Variants in TRABD2B observed in about 807,000 individuals in gnomAD.
The protein encoded by TRABD2B is TraB domain containing 2B, also known as metalloprotease TIKI2.
TRABD2B carries 14 observed loss-of-function variants against 40.1 expected under a neutral mutation model. The observed-to-expected ratio is 0.35, with a 90% CI of 0.23 to 0.55. The LOEUF is 0.55. TRABD2B is among the 20% of genes least tolerant of loss of function. TRABD2B has a pLI of 0.90. For synonymous variants in TRABD2B, 263 were observed against 277.0 expected, an observed-to-expected ratio of 0.95 and a Z score of 0.50; for missense variants, 541 against 648.6, an observed-to-expected ratio of 0.83 and a Z score of 1.80.
chr1:47,809,230 T>A (rs983086894), intron 2 of TRABD2B, among the ~76,000 whole-genome samples: 2 of 152,096 alleles, frequency 1.3e-5, no homozygotes, highest in Non-Finnish European at 2.9e-5. Flanking sequence ...GGCCAGGTAC[T>A]CCCCATTTTA....
chr1:47,922,101 C>T (rs1454214011), intron 2 of TRABD2B, among the ~76,000 whole-genome samples: 1 of 152,222 alleles, frequency 6.6e-6, no homozygotes, highest in African/African-American at 2.4e-5. Context: ...CTGCTGCAGT[C>T]CTCCAGGTCT....
At chr1:47,958,706 T>TA (rs534953572) in intron 2 of TRABD2B, among the ~76,000 whole-genome samples, 81 of 152,304 alleles carry the variant, frequency 5.3e-4, no homozygotes, top group Middle Eastern at 3.4e-3. Flanking sequence ...CCCAGATTCA[T>TA]AAAGCAAGTC....
intron 2 of TRABD2B, among the ~76,000 whole-genome samples, chr1:47,829,127 T>A (rs1204818002): frequency 6.6e-6 from 1 of 152,184 alleles, no homozygotes; most frequent in South Asian, 2.1e-4. Flanking sequence ...GACTTGTCTC[T>A]TATGTTGGGA....
intron 2 of TRABD2B, among the ~76,000 whole-genome samples, chr1:47,828,106 T>C (rs935007335): frequency 6.6e-6 from 1 of 152,128 alleles, no homozygotes; most frequent in Non-Finnish European, 1.5e-5. Flanking sequence ...ACAACATACA[T>C]ACAAACGGGA....
chr1:47,820,559 A>G (rs1384750025), intron 2 of TRABD2B, among the ~76,000 whole-genome samples: 2 of 152,200 alleles, frequency 1.3e-5, no homozygotes, highest in Non-Finnish European at 2.9e-5. Flanking sequence ...TGAGGTCAGC[A>G]GCGGTGGGCA....
At chr1:47,775,955 T>C (rs548748694) in intron 5 of TRABD2B, among the ~76,000 whole-genome samples, 36 of 152,076 alleles carry the variant, frequency 2.4e-4, no homozygotes, top group African/African-American at 8.7e-4. Context: ...TATCTGAGCT[T>C]GGTCAGGGTC....
intron 4 of TRABD2B, among the ~76,000 whole-genome samples, chr1:47,780,505 C>T (rs1644506244): frequency 1.3e-5 from 2 of 152,048 alleles, no homozygotes; most frequent in African/African-American, 4.8e-5. Context: ...CACTCACAGA[C>T]TTGAGAATGG....
chr1:47,991,710 G>A lies in TRABD2B; in HGVS notation c.666+2324C>T, dbSNP rs78133479. Among the ~76,000 whole-genome samples the A allele has an allele frequency of 5.4e-3, 815 of 150,838 alleles. 3 individuals are homozygous for A. Among genetic ancestry groups the A allele is most frequent in the Non-Finnish European group, 7.8e-3 (529 of 67,974 alleles). On this transcript the variant is annotated intron_variant, in intron 2 of 6. Transcript: ENST00000606738. ...CACTGTTTTAAGCCTTATTTTTCCC[G>A]CCTTCTTCTCTCACTGTCTCCCCAA...
At chr1:47,784,069 T>C (rs1018319974) in intron 4 of TRABD2B, among the ~76,000 whole-genome samples, 3 of 152,170 alleles carry the variant, frequency 2.0e-5, no homozygotes, top group African/African-American at 7.2e-5. Flanking sequence ...TACAGGATGC[T>C]TCTCAAACGT....
At chr1:47,766,762 A>T (rs1644309627) in intron 6 of TRABD2B, among the ~76,000 whole-genome samples, 1 of 152,242 alleles carries the variant, frequency 6.6e-6, no homozygotes. Context: ...GTGGGACGCC[A>T]TGAAGCAGGA....
chr1:47,779,651 G>A (rs1046972368), intron 4 of TRABD2B, among the ~76,000 whole-genome samples: 1 of 152,008 alleles, frequency 6.6e-6, no homozygotes, highest in Admixed American at 6.5e-5. Flanking sequence ...CCTCTGCCTC[G>A]GGGGCCTCAG....
rs188095944 is a variant in TRABD2B at position 47,918,482 on chromosome 1, G to A, written c.666+75552C>T. On this transcript the variant is annotated intron_variant, in intron 2 of 6. Coordinates refer to ENST00000606738, the MANE Select transcript of TRABD2B (RefSeq NM_001194986.2). ...AGATCACATAGCTAGTACGCAGCACGGCAGAATCTGAATCCATGTCTATCT... is the reference window on the plus strand; with the variant it reads ...AGATCACATAGCTAGTACGCAGCACAGCAGAATCTGAATCCATGTCTATCT... Among the ~76,000 whole-genome samples, 172 of 152,264 alleles carry A rather than the reference G, an allele frequency of 1.1e-3. 6 individuals carry two copies. In the South Asian group the frequency reaches 0.021, roughly 19 times the overall value.
intron 2 of TRABD2B, among the ~76,000 whole-genome samples, chr1:47,867,079 G>C (rs1327057422): frequency 6.6e-6 from 1 of 152,206 alleles, no homozygotes; most frequent in African/African-American, 2.4e-5. Context: ...TGCGTTTACA[G>C]TGCTGCCCTG....
chr1:47,855,850 T>C (rs1643884564), intron 2 of TRABD2B, among the ~76,000 whole-genome samples: 1 of 152,224 alleles, frequency 6.6e-6, no homozygotes, highest in Non-Finnish European at 1.5e-5. Context: ...GCATCAGAAC[T>C]TGACCATGCT....
At chr1:47,821,798 C>A (rs1645114249) in intron 2 of TRABD2B, among the ~76,000 whole-genome samples, 1 of 152,058 alleles carries the variant, frequency 6.6e-6, no homozygotes, top group East Asian at 1.9e-4. Flanking sequence ...TTCCAGGATG[C>A]CCCTCAACCC....
At chr1:47,828,423 C>T (rs1275939131) in intron 2 of TRABD2B, among the ~76,000 whole-genome samples, 1 of 152,174 alleles carries the variant, frequency 6.6e-6, no homozygotes, top group African/African-American at 2.4e-5. Flanking sequence ...CTCCTGTCTT[C>T]CCATCCCCTT....
intron 2 of TRABD2B, among the ~76,000 whole-genome samples, chr1:47,943,979 A>T (rs1645224365): frequency 6.6e-6 from 1 of 152,214 alleles, no homozygotes; most frequent in Non-Finnish European, 1.5e-5. Context: ...AGATTCAGCC[A>T]GACACTCAAC....
intron 2 of TRABD2B, among the ~76,000 whole-genome samples, chr1:47,893,278 A>G (rs1644474499): frequency 6.6e-6 from 1 of 152,160 alleles, no homozygotes; most frequent in African/African-American, 2.4e-5. Context: ...GCTTCCTAAA[A>G]GTGTCCTCCT....
At chr1:47,855,072 C>T (rs1276148686) in intron 2 of TRABD2B, among the ~76,000 whole-genome samples, 1 of 152,150 alleles carries the variant, frequency 6.6e-6, no homozygotes, top group Non-Finnish European at 1.5e-5. Context: ...TTCAGAGGCC[C>T]TTAGACTGTG....
Sources: gnomAD v4.1 joint callset for allele counts (sites outside exome capture counted in the v4.1 genomes callset) on GRCh38, gnomAD v4.1.1 for gene constraint, MANE v1.5 for transcripts, NCBI Gene and HGNC (gene_info 2026-07-23, HGNC 2026-07-21) for gene names.